GRID2: variants seen among roughly 807,000 people sequenced by gnomAD.
GRID2 encodes the protein glutamate ionotropic receptor delta type subunit 2, also known as glutamate receptor ionotropic, delta-2.
GRID2 carries 33 observed loss-of-function variants against 114.8 expected under a neutral mutation model. That is an observed-to-expected ratio of 0.29 (90% confidence interval 0.22 to 0.38). The LOEUF is 0.38. GRID2 is among the 10% of genes least tolerant of loss of function. GRID2 has a pLI of 1.00. For synonymous variants in GRID2, 505 were observed against 449.9 expected (o/e 1.12, Z -1.55); for missense variants, 1,184 against 1,257.7 (o/e 0.94, Z 0.89).
rs551760631 is a variant in GRID2, at chr4:93,282,148, A to T, written c.1245+43658A>T. On this transcript the variant is annotated intron_variant, in intron 8 of 15. Transcript: ENST00000282020. ...TCTGGAAATTGATTCTACTGTATAGAGTAGGCCACAAAGTTTAAACCAATC... is the reference window on the plus strand; with the variant it reads ...TCTGGAAATTGATTCTACTGTATAGTGTAGGCCACAAAGTTTAAACCAATC... Among the ~76,000 whole-genome samples, 9 of 152,198 alleles carry T rather than the reference A, an allele frequency of 5.9e-5. No individual in the cohort carries two copies. In the South Asian group the frequency reaches 1.7e-3, roughly 28 times the overall value.
At chr4:92,832,458 A>G (rs184207412) in intron 2 of GRID2, among the ~76,000 whole-genome samples, 438 of 152,010 alleles carry the variant, frequency 2.9e-3, no homozygotes, top group African/African-American at 1.0e-2. Context: ...CAGTGACGCA[A>G]TCTTGGCTCA....
rs542435256 is a variant in GRID2 at position 92,860,251 on chromosome 4, G to T, written c.245-224744G>T. The stretch of plus-strand genomic sequence containing the variant: ...ACGTAAGAGGTGACAAATAAACATT[G>T]TGTCCACCTAACAATTTTGCTGAGG... On this transcript the variant is annotated intron_variant, in intron 2 of 15. Transcript: ENST00000282020. Among the ~76,000 whole-genome samples the T allele has an allele frequency of 5.1e-3, 782 of 152,146 alleles. 4 individuals carry two copies. The highest frequency in any genetic ancestry group is 7.3e-3 in the Non-Finnish European group (497 of 67,970).
intron 2 of GRID2, among the ~76,000 whole-genome samples, chr4:92,955,575 T>A (rs1166972646): frequency 4.7e-4 from 72 of 152,208 alleles, no homozygotes; most frequent in Middle Eastern, 3.4e-3. Flanking sequence ...TTGCCTGTTC[T>A]CTCTGATGGT....
intron 14 of GRID2, among the ~76,000 whole-genome samples, chr4:93,714,238 G>A (rs1329521752): frequency 6.6e-6 from 1 of 151,850 alleles, no homozygotes; most frequent in Non-Finnish European, 1.5e-5. Context: ...TGTCCCCCAG[G>A]TCCATTCATG....
At chr4:93,781,525 G>A (rs963648283) in intron 1 of GRID2, among the ~76,000 whole-genome samples, 1 of 152,008 alleles carries the variant, frequency 6.6e-6, no homozygotes. Flanking sequence ...GTCAGTGGGG[G>A]GTTGGTTCCC....
At chr4:92,572,176 T>A (rs1005125749) in intron 1 of GRID2, among the ~76,000 whole-genome samples, 1 of 151,604 alleles carries the variant, frequency 6.6e-6, no homozygotes, top group Non-Finnish European at 1.5e-5. Context: ...ATCAAATAGA[T>A]GCAATAAAAA....
Position 92,712,006 on chromosome 4 carries a change from CTCTTT to C in GRID2, c.244+121725_244+121729del, listed in dbSNP as rs1217328974. 3.0e-4 allele frequency among the ~76,000 whole-genome samples: 46 copies of C among 152,292 alleles called. No homozygotes were observed. The South Asian group carries it at 3.3e-3, about 11-fold the overall frequency. Reference sequence around the variant, plus strand: ...CTGATTCATAGTCCATCTGCAAATACTCTTTTCTTATAAGGTAACATAGTTATAGA... The same window carrying C: ...CTGATTCATAGTCCATCTGCAAATACTCTTATAAGGTAACATAGTTATAGA... On this transcript the variant is annotated intron_variant, in intron 2 of 15. Transcript: ENST00000282020.
In GRID2 at chr4:92,426,177, T is replaced by C. The variant is rs551753127; in HGVS notation, c.88+121433T>C. On this transcript the variant is annotated intron_variant, in intron 1 of 15. Transcript: ENST00000282020. ...TCAGATATTTGATCAGTTTCATATG[T>C]CCAAAGTTATGTCACATTTAATGAA... Among the ~76,000 whole-genome samples the C allele has an allele frequency of 7.2e-5, 11 of 152,240 alleles. No homozygotes were observed. In the South Asian group the frequency reaches 2.3e-3, roughly 32 times the overall value.
intron 2 of GRID2, among the ~76,000 whole-genome samples, chr4:92,720,834 T>G (rs1323276728): frequency 6.6e-6 from 1 of 152,106 alleles, no homozygotes; most frequent in Non-Finnish European, 1.5e-5. Context: ...AGCAGGGACT[T>G]GAACAGATAT....
intron 13 of GRID2, among the ~76,000 whole-genome samples, chr4:93,621,029 T>G (rs1373047570): frequency 6.6e-6 from 1 of 152,202 alleles, no homozygotes; most frequent in African/African-American, 2.4e-5. Flanking sequence ...ACTACTGAGT[T>G]GTAAGCAGCT....
chr4:92,440,996 G>C, intron 1 of GRID2, among the ~76,000 whole-genome samples: 1 of 152,038 alleles, frequency 6.6e-6, no homozygotes, highest in East Asian at 1.9e-4. Flanking sequence ...AGTGAGTTGA[G>C]CATAGTTTGT....
intron 2 of GRID2, among the ~76,000 whole-genome samples, chr4:92,879,432 C>T (rs1170505666): frequency 6.6e-6 from 1 of 152,168 alleles, no homozygotes; most frequent in Non-Finnish European, 1.5e-5. Context: ...AACATTAGCC[C>T]TAATAAGTGC....
intron 2 of GRID2, among the ~76,000 whole-genome samples, chr4:92,654,212 G>A (rs1371440221): frequency 6.6e-6 from 1 of 151,932 alleles, no homozygotes; most frequent in Non-Finnish European, 1.5e-5. Context: ...GTCTTGGTGA[G>A]GGCCCACTTC....
intron 1 of GRID2, among the ~76,000 whole-genome samples, chr4:93,789,536 A>G (rs774514454): frequency 1.1e-4 from 16 of 152,326 alleles, no homozygotes; most frequent in Middle Eastern, 3.4e-3. Context: ...ATACAGCACA[A>G]AAAAGTACAT....
chr4:93,589,957 T>C (rs1738013131), intron 13 of GRID2, among the ~76,000 whole-genome samples: 2 of 150,958 alleles, frequency 1.3e-5, no homozygotes, highest in South Asian at 4.2e-4. Flanking sequence ...ATATTAGCCC[T>C]TTGTCAGATG....
At chr4:92,877,789 G>A (rs1745741835) in intron 2 of GRID2, among the ~76,000 whole-genome samples, 1 of 152,142 alleles carries the variant, frequency 6.6e-6, no homozygotes. Flanking sequence ...CAAAGATCAA[G>A]CATCCTTAGC....
chr4:92,630,315 A>G (rs1730740909), intron 2 of GRID2, among the ~76,000 whole-genome samples: 1 of 152,138 alleles, frequency 6.6e-6, no homozygotes, highest in Admixed American at 6.6e-5. Context: ...TGTGTTGCAC[A>G]TATAATGAGT....
intron 4 of GRID2, among the ~76,000 whole-genome samples, chr4:93,145,142 C>A (rs1022547161): frequency 6.6e-6 from 1 of 152,138 alleles, no homozygotes; most frequent in Non-Finnish European, 1.5e-5. Flanking sequence ...CAGAGAGACC[C>A]ATCTCTGATC....
chr4:92,603,287 G>A (rs1318108229), intron 2 of GRID2, among the ~76,000 whole-genome samples: 2 of 152,054 alleles, frequency 1.3e-5, no homozygotes, highest in Non-Finnish European at 2.9e-5. Flanking sequence ...CACACTACCT[G>A]ACTTCAAACT....
Sources: gnomAD v4.1 joint callset for allele counts (sites outside exome capture counted in the v4.1 genomes callset) on GRCh38, gnomAD v4.1.1 for gene constraint, MANE v1.5 for transcripts, NCBI Gene and HGNC (gene_info 2026-07-23, HGNC 2026-07-21) for gene names.